SDK2: variants seen among roughly 807,000 people sequenced by gnomAD.
SDK2 encodes the protein protein sidekick-2.
SDK2 carries 105 observed loss-of-function variants against 253.9 expected under a neutral mutation model. The observed-to-expected ratio is 0.41, with a 90% CI of 0.35 to 0.49. SDK2 has a LOEUF of 0.49. Among genes scored for constraint, SDK2 ranks in the 20% least tolerant of loss-of-function variants. The pLI is 0.06. For synonymous variants in SDK2, 1,249 were observed against 1,234.9 expected, an observed-to-expected ratio of 1.01 and a Z score of -0.24; for missense variants, 2,608 against 3,003.0, an observed-to-expected ratio of 0.87 and a Z score of 3.07.
chr17:73,583,309 C>A (rs561119613), intron 1 of SDK2, among the ~76,000 whole-genome samples: 1 of 152,328 alleles, frequency 6.6e-6, no homozygotes, highest in African/African-American at 2.4e-5. Flanking sequence ...TGGATGAAGG[C>A]ATGAATGCCA....
In SDK2 at chr17:73,629,337, C is replaced by T. The variant is rs8075568; in HGVS notation, c.64+14688G>A. On this transcript the variant is annotated intron_variant, in intron 1 of 44. Transcript: ENST00000392650. This position sits in a 1 kb window ranked among gnomAD's most constrained non-coding sequence, Gnocchi z 5.0. The stretch of plus-strand genomic sequence containing the variant: ...TCCCACATGTGCTTAGATGATTCAC[C>T]GTGGTTTAAGCTGCTGTTTCCCTCC... Among the ~76,000 whole-genome samples the T allele has an allele frequency of 0.02, 2,986 of 152,262 alleles. 112 individuals are homozygous for T. The highest frequency in any genetic ancestry group is 0.068 in the African/African-American group (2,808 of 41,530).
chr17:73,393,242 C>CAAAAAAAAAA (rs11443969), intron 27 of SDK2, among the ~76,000 whole-genome samples: 2 of 85,538 alleles, frequency 2.3e-5, no homozygotes, highest in Non-Finnish European at 4.4e-5. Context: ...GATACTCTAT[C>CAAAAAAAAAA]AAAAAAAAAA....
At chr17:73,469,992 GCACACACACACACA>G (rs34448667) in intron 3 of SDK2, among the ~76,000 whole-genome samples, 5 of 126,264 alleles carry the variant, frequency 4.0e-5, no homozygotes, top group African/African-American at 1.2e-4. Context: ...GCGCGCGCGC[GCACACACACACACA>G]CACACACACA....
At chr17:73,577,256 G>A (rs2045469988) in intron 1 of SDK2, among the ~76,000 whole-genome samples, 1 of 152,332 alleles carries the variant, frequency 6.6e-6, no homozygotes, top group East Asian at 1.9e-4. Flanking sequence ...GACCTGTAAA[G>A]TCTTCAGTGG....
intron 28 of SDK2, among the ~76,000 whole-genome samples, chr17:73,390,823 T>C (rs1566295): frequency 0.53 from 81,389 of 152,138 alleles, 23,067 homozygotes; most frequent in East Asian, 0.72. Context: ...TCTGGGCTAA[T>C]GCACTTGTCC....
intron 3 of SDK2, among the ~76,000 whole-genome samples, chr17:73,463,762 C>T (rs1407885340): frequency 6.6e-6 from 1 of 152,156 alleles, no homozygotes; most frequent in Non-Finnish European, 1.5e-5. Context: ...TTCATTGAGT[C>T]ATTTTCACGG....
chr17:73,348,858 T>C, intron 43 of SDK2, 133 bp from the exon 44 acceptor site: 1 of 718,922 alleles, frequency 1.4e-6, no homozygotes, highest in Non-Finnish European at 2.2e-6. Context: ...TTCCTGGGTC[T>C]GCCTTCCAGG....
intron 1 of SDK2, among the ~76,000 whole-genome samples, chr17:73,604,759 G>C (rs1021743675): frequency 2.6e-5 from 4 of 152,190 alleles, no homozygotes; most frequent in Non-Finnish European, 5.9e-5. Flanking sequence ...CTCAGCTTGG[G>C]CGGTGGGGCT....
intron 1 of SDK2, among the ~76,000 whole-genome samples, chr17:73,623,190 T>C (rs2143206544): frequency 6.6e-6 from 1 of 152,394 alleles, no homozygotes; most frequent in Admixed American, 6.5e-5. Flanking sequence ...ATGCTATAGA[T>C]AACTATCTGT....
In SDK2 at chr17:73,447,720, T is replaced by C; in HGVS notation, c.508A>G (p.Ile170Val). ...GCGTCAGGGGCCACCGTTGACAGGA[T>C]GACAAGGGTGTTCTCCAGCGTGATG... ...IAITLENTLV[I>V]LSTVAPDAGR... The change falls in exon 5 of 45, where the codon ATC becomes GTC. Residue 170 changes from isoleucine (I) to valine (V), a missense_variant. By Grantham distance (29) the Ile-to-Val change is conservative (BLOSUM62 3). This residue lies in a region of SDK2 where 1,505 missense variants were observed against 1,859.1 expected (regional missense o/e 0.81). Coordinates refer to ENST00000392650, the MANE Select transcript of SDK2 (RefSeq NM_001144952.2). This position sits in a 1 kb window ranked among gnomAD's most constrained non-coding sequence, Gnocchi z 4.0. 1 of 1,551,696 alleles carries C rather than the reference T, an allele frequency of 6.4e-7. No homozygotes were observed. Among genetic ancestry groups the C allele is most frequent in the African/African-American group, 1.4e-5 (1 of 73,138 alleles).
intron 1 of SDK2, among the ~76,000 whole-genome samples, chr17:73,543,609 C>A (rs1041819481): frequency 6.6e-6 from 1 of 152,240 alleles, no homozygotes; most frequent in Non-Finnish European, 1.5e-5. Flanking sequence ...GCAAGTGCAC[C>A]TTGATGCAGA....
intron 2 of SDK2, among the ~76,000 whole-genome samples, chr17:73,498,876 C>T (rs978799973): frequency 6.6e-5 from 10 of 152,206 alleles, no homozygotes; most frequent in Non-Finnish European, 1.2e-4. Flanking sequence ...AGGGGAGGGA[C>T]GCAGGCTTGG....
chr17:73,485,606 C>T (rs922176846), intron 2 of SDK2, among the ~76,000 whole-genome samples: 3 of 152,180 alleles, frequency 2.0e-5, no homozygotes, highest in African/African-American at 7.2e-5. Context: ...TCTACAGCCA[C>T]AGCCTCTACA....
intron 4 of SDK2, among the ~76,000 whole-genome samples, chr17:73,449,686 T>G (rs2063478010): frequency 7.0e-6 from 1 of 143,444 alleles, no homozygotes; most frequent in Admixed American, 7.3e-5. Context: ...TTTGGGAGGC[T>G]GAAGTAGGTG....
intron 2 of SDK2, among the ~76,000 whole-genome samples, chr17:73,479,799 T>A (rs1440751392): frequency 6.6e-6 from 1 of 152,240 alleles, no homozygotes; most frequent in Non-Finnish European, 1.5e-5. Context: ...CAAGCAATTC[T>A]CCTGCCTCAG....
At chr17:73,406,790 G>A (rs1162894615) in intron 18 of SDK2, among the ~76,000 whole-genome samples, 18 of 152,138 alleles carry the variant, frequency 1.2e-4, no homozygotes, top group Admixed American at 1.2e-3. Context: ...ATTGAGCTGT[G>A]GTAAAATTAC....
rs1384228683 is a variant in SDK2 at position 73,361,726 on chromosome 17, C to G, written c.5425G>C (p.Gly1809Arg). The change falls in exon 39 of 45, where the codon GGG (glycine) becomes CGG (arginine). Residue 1809 changes from glycine to arginine, a missense_variant. Coordinates refer to ENST00000392650, the MANE Select transcript of SDK2 (RefSeq NM_001144952.2). The surrounding 1 kb of genome is among the most constrained non-coding windows in gnomAD (Gnocchi z 4.1). The stretch of plus-strand genomic sequence containing the variant: ...GTGACGTTGGCTTCGATCTCCGGCC[C>G]GTAGGTGAAGGTCTTGGCTCTGATG... ...FRIRAKTFTYGPEIEANVTTG... is the reference protein window; with the variant it reads ...FRIRAKTFTYRPEIEANVTTG... The G allele has an allele frequency of 1.2e-6, 2 of 1,612,736 alleles. No homozygotes were observed. The highest frequency in any genetic ancestry group is 1.7e-6 in the Non-Finnish European group (2 of 1,178,962).
chr17:73,531,758 C>T (rs1050446576), intron 1 of SDK2, among the ~76,000 whole-genome samples: 2 of 152,214 alleles, frequency 1.3e-5, no homozygotes, highest in African/African-American at 2.4e-5. Flanking sequence ...CTTTTTGTCA[C>T]TGAACCAGAG....
intron 1 of SDK2, among the ~76,000 whole-genome samples, chr17:73,530,254 C>T (rs2064158727): frequency 6.6e-6 from 1 of 152,206 alleles, no homozygotes; most frequent in South Asian, 2.1e-4. Context: ...CACAGTTCTG[C>T]ATGGCTGGGG....
Sources: gnomAD v4.1 joint callset for allele counts (sites outside exome capture counted in the v4.1 genomes callset) on GRCh38, gnomAD v4.1.1 for gene constraint, gnomAD v4.1.1 regional missense constraint, Gnocchi (gnomAD v3.1) non-coding constraint, MANE v1.5 for transcripts, NCBI Gene and HGNC (gene_info 2026-07-23, HGNC 2026-07-21) for gene names.